The following TMEFF2 variants were observed in gnomAD, a reference collection of about 807,000 sequenced individuals.
TMEFF2 encodes the protein transmembrane protein with EGF like and two follistatin like domains 2.
A neutral mutation model predicts 53.8 loss-of-function variants in TMEFF2; 28 were observed. The observed-to-expected ratio is 0.52, with a 90% CI of 0.39 to 0.71. The LOEUF (loss-of-function observed/expected upper bound fraction) is 0.71. Ranked by LOEUF, TMEFF2 falls within the 30% of genes least tolerant of loss-of-function variation. The pLI is 0.00. For missense variants in TMEFF2, 353 were observed against 455.2 expected (o/e 0.78, Z 2.04); for synonymous variants, 162 against 166.3 (o/e 0.97, Z 0.20).
At chr2:192,062,966 G>A (rs1688080864) in intron 4 of TMEFF2, among the ~76,000 whole-genome samples, 1 of 5,764 alleles carries the variant, frequency 1.7e-4, no homozygotes. Flanking sequence ...TAGTCCGGGA[G>A]TGTTTTTTTT....
intron 5 of TMEFF2, among the ~76,000 whole-genome samples, chr2:192,046,625 T>G (rs764098440): frequency 3.3e-5 from 5 of 152,190 alleles, no homozygotes; most frequent in Non-Finnish European, 7.3e-5. Flanking sequence ...TTTGTTTCTC[T>G]GAATAACCCT....
chr2:192,131,503 C>T (rs947426351), intron 4 of TMEFF2, among the ~76,000 whole-genome samples: 2 of 152,138 alleles, frequency 1.3e-5, no homozygotes, highest in Non-Finnish European at 2.9e-5. Flanking sequence ...CCCCCAATCC[C>T]TTATTTCCGC....
At chr2:191,987,252 A>G (rs1196854716) in intron 7 of TMEFF2, among the ~76,000 whole-genome samples, 18 of 152,120 alleles carry the variant, frequency 1.2e-4, no homozygotes, top group Non-Finnish European at 2.9e-5. Context: ...TGGGAGGGAA[A>G]TGAGGAGGAG....
At chr2:192,022,718 T>G (rs1366227247) in intron 5 of TMEFF2, among the ~76,000 whole-genome samples, 1 of 152,204 alleles carries the variant, frequency 6.6e-6, no homozygotes, top group Non-Finnish European at 1.5e-5. Flanking sequence ...TTTCTTTTAA[T>G]CTGCACTGAG....
At chr2:192,073,055 G>C (rs1182769446) in intron 4 of TMEFF2, among the ~76,000 whole-genome samples, 1 of 151,902 alleles carries the variant, frequency 6.6e-6, no homozygotes, top group Non-Finnish European at 1.5e-5. Context: ...ACATTCCTTT[G>C]CCTAAAAAGG....
chr2:192,022,647 T>C (rs956424114), intron 5 of TMEFF2, among the ~76,000 whole-genome samples: 3 of 152,156 alleles, frequency 2.0e-5, no homozygotes, highest in African/African-American at 7.2e-5. Context: ...TAAAATCTTA[T>C]TTTATGATAT....
chr2:192,078,569 A>G (rs2105923320), intron 4 of TMEFF2, among the ~76,000 whole-genome samples: 1 of 152,302 alleles, frequency 6.6e-6, no homozygotes, highest in East Asian at 1.9e-4. Context: ...AGGAAAATTC[A>G]TCACTTATCC....
chr2:192,096,670 C>CTCTGTCTTTTTT, intron 4 of TMEFF2, among the ~76,000 whole-genome samples: 5 of 53,688 alleles, frequency 9.3e-5, no homozygotes, highest in South Asian at 8.1e-4. Flanking sequence ...CTCTCTCTCT[C>CTCTGTCTTTTTT]TTTTTTTTTT....
At chr2:191,970,940 T>G (rs1249618800) in intron 7 of TMEFF2, among the ~76,000 whole-genome samples, 2 of 152,198 alleles carry the variant, frequency 1.3e-5, no homozygotes, top group African/African-American at 4.8e-5. Context: ...TCACCTTAGC[T>G]TAAGCTTAAG....
chr2:192,191,347 A>G (rs537823852), intron 2 of TMEFF2, among the ~76,000 whole-genome samples: 1 of 152,270 alleles, frequency 6.6e-6, no homozygotes, highest in East Asian at 1.9e-4. Context: ...TGTGGTATCT[A>G]TGAAAAAGCT....
intron 4 of TMEFF2, among the ~76,000 whole-genome samples, chr2:192,124,722 A>C (rs1453690960): frequency 6.6e-6 from 1 of 152,190 alleles, no homozygotes; most frequent in Non-Finnish European, 1.5e-5. Flanking sequence ...CCTGGCTGAC[A>C]CCTGGCAAAT....
intron 4 of TMEFF2, among the ~76,000 whole-genome samples, chr2:192,168,757 A>G (rs1690832588): frequency 6.6e-6 from 1 of 152,116 alleles, no homozygotes; most frequent in South Asian, 2.1e-4. Flanking sequence ...AGAATTTCAA[A>G]TAATTTAAAT....
At chr2:191,977,166 A>T (rs1440758017) in intron 7 of TMEFF2, among the ~76,000 whole-genome samples, 1 of 152,270 alleles carries the variant, frequency 6.6e-6, no homozygotes, top group South Asian at 2.1e-4. Context: ...CAAAAGCAGA[A>T]GAGTATTCCA....
At chr2:192,158,914 T>C (rs1690570215) in intron 4 of TMEFF2, among the ~76,000 whole-genome samples, 1 of 152,068 alleles carries the variant, frequency 6.6e-6, no homozygotes, top group African/African-American at 2.4e-5. Flanking sequence ...TCCCAACTCC[T>C]TTCTAAGGTT....
At chr2:192,141,151 AG>A (rs1690127378) in intron 4 of TMEFF2, among the ~76,000 whole-genome samples, 2 of 152,042 alleles carry the variant, frequency 1.3e-5, no homozygotes, top group South Asian at 2.1e-4. Context: ...TTAGAACTGT[AG>A]GAATATTATA....
chr2:192,140,603 G>A (rs1308989961), intron 4 of TMEFF2, among the ~76,000 whole-genome samples: 1 of 152,128 alleles, frequency 6.6e-6, no homozygotes, highest in African/African-American at 2.4e-5. Context: ...CAACGTGGGG[G>A]TGAAAGGTCG....
At chr2:192,030,128 G>A (rs1309507001) in intron 5 of TMEFF2, among the ~76,000 whole-genome samples, 4 of 152,186 alleles carry the variant, frequency 2.6e-5, no homozygotes, top group Non-Finnish European at 5.9e-5. Context: ...GAAAAATAAG[G>A]TTATTCTCAG....
At chr2:191,953,642 C>G (rs371820865) in intron 9 of TMEFF2, 37 bp downstream of exon 9, 1 of 1,603,854 alleles carries the variant, frequency 6.2e-7, no homozygotes, top group Non-Finnish European at 8.5e-7. Context: ...AACAATATAT[C>G]CCTTTATTTG....
intron 4 of TMEFF2, among the ~76,000 whole-genome samples, chr2:192,156,047 G>A (rs961698223): frequency 3.3e-5 from 5 of 151,104 alleles, no homozygotes; most frequent in Admixed American, 6.6e-5. Flanking sequence ...AGGTTTCAAC[G>A]TCATTGAATC....
Sources: allele counts gnomAD v4.1 joint callset (sites outside exome capture counted in the v4.1 genomes callset), GRCh38; gene constraint gnomAD v4.1.1; transcripts MANE v1.5; gene names NCBI Gene and HGNC (gene_info 2026-07-23, HGNC 2026-07-21).